NR3C2: variants seen among roughly 807,000 people sequenced by gnomAD.
The protein encoded by NR3C2 is mineralocorticoid receptor.
In NR3C2, 15 loss-of-function variants were observed where a neutral mutation model predicts 86.4. The observed-to-expected ratio is 0.17, with a 90% CI of 0.12 to 0.27. The LOEUF (loss-of-function observed/expected upper bound fraction) is 0.27. Among genes scored for constraint, NR3C2 ranks in the 10% least tolerant of loss-of-function variants. The probability of loss-of-function intolerance (pLI) is 1.00; values close to 1 mark genes in which losing one functional copy is unlikely to be tolerated. For missense variants in NR3C2, 960 were observed against 1,195.6 expected, an observed-to-expected ratio of 0.80 and a Z score of 2.91; for synonymous variants, 458 against 450.5, an observed-to-expected ratio of 1.02 and a Z score of -0.21.
chr4:148,187,583 T>C (rs1578989336), intron 4 of NR3C2, among the ~76,000 whole-genome samples: 1 of 152,190 alleles, frequency 6.6e-6, no homozygotes. Flanking sequence ...GAGTTCATTG[T>C]AGATTCTGTA....
At chr4:148,109,463 T>C (rs1043184533) in intron 8 of NR3C2, among the ~76,000 whole-genome samples, 1 of 152,244 alleles carries the variant, frequency 6.6e-6, no homozygotes, top group Admixed American at 6.5e-5. Flanking sequence ...GTCCTGGGAA[T>C]GTGGCAAGGG....
At chr4:148,271,349 A>C (rs1740673883) in intron 2 of NR3C2, among the ~76,000 whole-genome samples, 1 of 152,186 alleles carries the variant, frequency 6.6e-6, no homozygotes, top group Admixed American at 6.5e-5. Context: ...ACAATGAAGG[A>C]ATCCTGAGTA....
In NR3C2 at chr4:148,435,481, A is replaced by T. The variant is rs149589666; in HGVS notation, c.1380T>A (p.Phe460Leu). Reference protein sequence around the residue: ...FPFMDGSYFSFMDDKDYYSLS... With the variant: ...FPFMDGSYFSLMDDKDYYSLS... The stretch of plus-strand genomic sequence containing the variant: ...GGGAATAATAGTCTTTATCATCCAT[A>T]AAGGAAAAATACGAGCCATCCATAA... Residue 460 changes from phenylalanine (F) to leucine (L), a missense_variant, in exon 2 of 9, where the codon TTT (phenylalanine) becomes TTA (leucine). Phe to Leu is a conservative substitution (Grantham distance 22, BLOSUM62 0). Coordinates refer to ENST00000358102, the MANE Select transcript of NR3C2 (RefSeq NM_000901.5). The T allele has an allele frequency of 3.1e-4, 505 of 1,614,066 alleles. 1 individual carries two copies. Among genetic ancestry groups the T allele is most frequent in the Non-Finnish European group, 4.0e-4 (472 of 1,180,050 alleles).
chr4:148,199,869 C>T (rs1349112493), intron 3 of NR3C2, among the ~76,000 whole-genome samples: 2 of 152,060 alleles, frequency 1.3e-5, no homozygotes, highest in African/African-American at 2.4e-5. Context: ...TGTACATGTA[C>T]CTCTGAACTT....
At chr4:148,147,567 A>G (rs1342065766) in intron 6 of NR3C2, among the ~76,000 whole-genome samples, 3 of 152,232 alleles carry the variant, frequency 2.0e-5, no homozygotes, top group Non-Finnish European at 4.4e-5. Flanking sequence ...CTGTGACTTC[A>G]GTGAGGTATG....
intron 5 of NR3C2, 67 bp from the exon 6 acceptor site, chr4:148,152,680 C>G: frequency 6.6e-7 from 1 of 1,504,168 alleles, no homozygotes; most frequent in Admixed American, 1.7e-5. Flanking sequence ...GAAGATGCTT[C>G]TTAAGTCAAC....
At chr4:148,308,288 C>T (rs541078576) in intron 2 of NR3C2, among the ~76,000 whole-genome samples, 8 of 152,112 alleles carry the variant, frequency 5.3e-5, no homozygotes, top group South Asian at 4.2e-4. Context: ...TGTGCCATTA[C>T]GTATTATGGA....
At chr4:148,407,729 C>A (rs61756955) in intron 2 of NR3C2, among the ~76,000 whole-genome samples, 10 of 152,110 alleles carry the variant, frequency 6.6e-5, no homozygotes, top group Non-Finnish European at 1.5e-4. Context: ...GAAATTAGTT[C>A]ATCATTCCAT....
At chr4:148,333,659 A>ATT (rs76336258) in intron 2 of NR3C2, among the ~76,000 whole-genome samples, 2 of 152,028 alleles carry the variant, frequency 1.3e-5, no homozygotes, top group South Asian at 2.1e-4. Flanking sequence ...TGAGAGACAC[A>ATT]TTTTTTTTGT....
At chr4:148,146,217 G>T (rs1159215217) in intron 6 of NR3C2, among the ~76,000 whole-genome samples, 2 of 152,102 alleles carry the variant, frequency 1.3e-5, no homozygotes, top group Non-Finnish European at 2.9e-5. Context: ...CCCTAACCCT[G>T]ATGGGGTGAG....
At chr4:148,421,329 T>C (rs1293314950) in intron 2 of NR3C2, among the ~76,000 whole-genome samples, 1 of 152,202 alleles carries the variant, frequency 6.6e-6, no homozygotes, top group Admixed American at 6.5e-5. Context: ...TTGTTTGTTA[T>C]AGGTTACAGG....
rs181885005 is a variant in NR3C2, at chr4:148,274,204, G to A, written c.1758-14087C>T. ...TTTCCAAACATAGTAAGTGTTTTAC[G>A]GGATCTCCCGTTAAGAACAAATGGT... On this transcript the variant is annotated intron_variant, in intron 2 of 8. Coordinates refer to ENST00000358102, the MANE Select transcript of NR3C2 (RefSeq NM_000901.5). Among the ~76,000 whole-genome samples, 81 of 152,262 alleles carry A rather than the reference G, an allele frequency of 5.3e-4. 1 individual carries two copies. The highest frequency in any genetic ancestry group is 1.7e-3 in the African/African-American group (72 of 41,566).
intron 8 of NR3C2, among the ~76,000 whole-genome samples, chr4:148,103,428 C>G (rs928377937): frequency 1.3e-5 from 2 of 152,248 alleles, no homozygotes; most frequent in African/African-American, 2.4e-5. Context: ...CCAGTAGACT[C>G]ACGGCCCAAA....
chr4:148,242,752 T>C (rs1280650580), intron 3 of NR3C2, among the ~76,000 whole-genome samples: 1 of 152,184 alleles, frequency 6.6e-6, no homozygotes, highest in Non-Finnish European at 1.5e-5. Context: ...TCAACTTCTC[T>C]TTAGGATAAG....
chr4:148,198,375 T>C (rs1736538180), intron 3 of NR3C2, among the ~76,000 whole-genome samples: 1 of 152,190 alleles, frequency 6.6e-6, no homozygotes, highest in African/African-American at 2.4e-5. Flanking sequence ...ATACTTGGCC[T>C]GGTCCCAACT....
intron 4 of NR3C2, among the ~76,000 whole-genome samples, chr4:148,175,227 C>T (rs1437573574): frequency 2.0e-5 from 3 of 152,084 alleles, no homozygotes; most frequent in African/African-American, 7.2e-5. Flanking sequence ...ATGAAAGGAC[C>T]TTCTTATCCT....
chr4:148,423,217 A>C (rs1749367648), intron 2 of NR3C2, among the ~76,000 whole-genome samples: 1 of 106,674 alleles, frequency 9.4e-6, no homozygotes, highest in African/African-American at 3.1e-5. Flanking sequence ...CTTTTATGTC[A>C]TTCCTGAATT....
At chr4:148,332,787 A>G (rs980925966) in intron 2 of NR3C2, among the ~76,000 whole-genome samples, 1 of 152,196 alleles carries the variant, frequency 6.6e-6, no homozygotes, top group Non-Finnish European at 1.5e-5. Context: ...TTTATGGAAT[A>G]TCAATTTTAT....
At chr4:148,430,515 AT>A (rs1402470106) in intron 2 of NR3C2, among the ~76,000 whole-genome samples, 1 of 152,186 alleles carries the variant, frequency 6.6e-6, no homozygotes, top group African/African-American at 2.4e-5. Context: ...TTACAAAAAT[AT>A]TTAAAATATT....
Sources: allele counts gnomAD v4.1 joint callset (sites outside exome capture counted in the v4.1 genomes callset), GRCh38; gene constraint gnomAD v4.1.1; transcripts MANE v1.5; gene names NCBI Gene and HGNC (gene_info 2026-07-23, HGNC 2026-07-21).